BOK: variants seen among roughly 807,000 people sequenced by gnomAD.
BOK encodes bcl-2-related ovarian killer protein.
BOK carries 20 observed loss-of-function variants against 18.3 expected under a neutral mutation model. The ratio of observed to expected loss-of-function variants is 1.09; its 90% confidence interval spans 0.77 to 1.59. BOK has a LOEUF of 1.59. Among genes scored for constraint, BOK ranks in the 40% most tolerant of loss-of-function variants. BOK has a pLI of 0.00. For synonymous variants in BOK, 173 were observed against 142.4 expected, an observed-to-expected ratio of 1.21 and a Z score of -1.53; for missense variants, 348 against 307.9, an observed-to-expected ratio of 1.13 and a Z score of -0.97.
intron 1 of BOK, 107 bp downstream of exon 1, chr2:241,559,100 CGGGCCG>C (rs1345977909): frequency 1.3e-5 from 2 of 157,340 alleles, no homozygotes; most frequent in African/African-American, 4.8e-5. Context: ...TGGGCGGCCC[CGGGCCG>C]GGGCGGGGAG....
At chr2:241,561,127 A>G (rs1331655875) in intron 2 of BOK, among the ~76,000 whole-genome samples, 1 of 151,832 alleles carries the variant, frequency 6.6e-6, no homozygotes, top group East Asian at 2.0e-4. Flanking sequence ...ATCTTAATTA[A>G]TGAGATACAG....
At chr2:241,557,365 G>A (rs1373873019), upstream of BOK, among the ~76,000 whole-genome samples, 1 of 147,110 alleles carries the variant, frequency 6.8e-6, no homozygotes, top group Non-Finnish European at 1.5e-5. Context: ...CTGGAGTGCA[G>A]GTGGGATGAT....
Position 241,569,587 on chromosome 2 carries a change from T to C in BOK, c.350-538T>C, listed in dbSNP as rs370587699. The stretch of plus-strand genomic sequence containing the variant: ...ATAGTTCTTTTTTGAAAGCCTCTCT[T>C]TTCTCGCTCACGTATAAGACGTCTT... On this transcript the variant is annotated intron_variant, in intron 3 of 4. Coordinates refer to ENST00000318407, the MANE Select transcript of BOK (RefSeq NM_032515.5). Among the ~76,000 whole-genome samples, 201 of 152,348 alleles carry C rather than the reference T, an allele frequency of 1.3e-3. 6 individuals carry two copies. In the South Asian group the frequency reaches 0.04, roughly 30 times the overall value.
chr2:241,561,089 C>T (rs911034564), intron 2 of BOK, among the ~76,000 whole-genome samples: 7 of 152,236 alleles, frequency 4.6e-5, no homozygotes, highest in Non-Finnish European at 8.8e-5. Flanking sequence ...CCCCAGCCAG[C>T]CTCTCATGGG....
intron 1 of BOK, among the ~76,000 whole-genome samples, chr2:241,552,916 A>G (rs1201591064): frequency 6.6e-6 from 1 of 152,198 alleles, no homozygotes; most frequent in African/African-American, 2.4e-5. Context: ...GCAGACACAC[A>G]CTACCCAGCA....
chr2:241,559,472 C>T lies in BOK; in HGVS notation c.-12C>T, dbSNP rs2125044390. The T allele has an allele frequency of 4.1e-6, 6 of 1,452,454 alleles. No individual in the cohort carries two copies. The highest frequency in any genetic ancestry group is 5.4e-6 in the Non-Finnish European group (6 of 1,105,884). 90.0% of individuals were successfully genotyped at this position (1,452,454 alleles called of 1,614,324 possible). On this transcript the variant is annotated 5_prime_UTR_variant, in exon 2 of 5. Transcript: ENST00000318407. ...GCCCGCAGGTGCGGCGCCCCCCACC[C>T]GCGTCGCCGCCATGGAGGTGCTGCG...
chr2:241,569,542 G>T (rs1220942024), intron 3 of BOK, among the ~76,000 whole-genome samples: 1 of 152,226 alleles, frequency 6.6e-6, no homozygotes, highest in Admixed American at 6.5e-5. Context: ...TTGTGAATCA[G>T]CTGTTCCAGT....
Position 241,572,390 on chromosome 2 carries a change from G to A in BOK, c.607G>A (p.Ala203Thr), listed in dbSNP as rs754881833. ...ALCSFGRFLK[A>T]AFFVLLPER is the part of the protein sequence containing the mutation. ...CTGCAGCTTCGGCCGCTTCCTGAAG[G>A]CTGCCTTCTTCGTGCTGCTGCCAGA... The change falls in exon 5 of 5, where the codon GCT becomes ACT. Residue 203 changes from alanine to threonine, a missense_variant. Transcript: ENST00000318407. 5.0e-6 allele frequency: 8 copies of A among 1,603,336 alleles called. No homozygotes were observed. The highest frequency in any genetic ancestry group is 6.8e-6 in the Non-Finnish European group (8 of 1,179,040).
chr2:241,557,681 T>C (rs1444225013), upstream of BOK, among the ~76,000 whole-genome samples: 1 of 152,214 alleles, frequency 6.6e-6, no homozygotes, highest in Non-Finnish European at 1.5e-5. Context: ...CTGTACAGCA[T>C]TTGATATGTC....
At chr2:241,557,434 T>G (rs553400798), upstream of BOK, among the ~76,000 whole-genome samples, 1 of 151,590 alleles carries the variant, frequency 6.6e-6, no homozygotes, top group Admixed American at 6.6e-5. Flanking sequence ...CTCAGCCTCC[T>G]TAGTAGCTGG....
At position 241,559,442 on chromosome 2, in the gene BOK, C is replaced by G; in HGVS notation, c.-29-13C>G. The G allele has an allele frequency of 1.4e-6, 2 of 1,390,994 alleles. No homozygotes were observed. The highest frequency in any genetic ancestry group is 1.9e-6 in the Non-Finnish European group (2 of 1,074,282). The allele number at this position is 1,390,994 out of a possible 1,614,324, so 86.2% of individuals were successfully genotyped here. The stretch of plus-strand genomic sequence containing the variant: ...CCGCCTCCCTCCACCCGGCTGAGCG[C>G]TTGTGCCCGCAGGTGCGGCGCCCCC... On this transcript the variant is annotated splice_polypyrimidine_tract_variant and intron_variant, in intron 1 of 4. Transcript: ENST00000318407.
intron 3 of BOK, among the ~76,000 whole-genome samples, chr2:241,563,690 G>C (rs1393974843): frequency 1.3e-5 from 2 of 152,236 alleles, no homozygotes; most frequent in Non-Finnish European, 2.9e-5. Flanking sequence ...GTGGCCTGCT[G>C]TCATCTCTGT....
chr2:241,572,503 C>A lies in BOK; in HGVS notation c.*81C>A. The stretch of plus-strand genomic sequence containing the variant: ...CTCAGCACCCGAACACATCTTCCTC[C>A]TCCCCACCCGAGCCTGGAGCACTCT... On this transcript the variant is annotated 3_prime_UTR_variant, in exon 5 of 5. Coordinates refer to ENST00000318407, the MANE Select transcript of BOK (RefSeq NM_032515.5). 2 of 1,516,612 alleles carry A rather than the reference C, an allele frequency of 1.3e-6. No homozygotes were observed. Among genetic ancestry groups the A allele is most frequent in the East Asian group, 2.4e-5 (1 of 41,732 alleles). 93.9% of individuals were successfully genotyped at this position (1,516,612 alleles called of 1,614,324 possible). A position where few individuals can be genotyped will look rare whatever the true frequency, so the allele number is the denominator to read the frequency against.
Position 241,567,582 on chromosome 2 carries a change from CTGTGCCGGG to C in BOK, c.350-2537_350-2529del, listed in dbSNP as rs1180195548. Among the ~76,000 whole-genome samples, 2 of 134,824 alleles carry C rather than the reference CTGTGCCGGG, an allele frequency of 1.5e-5. 1 individual carries two copies. The highest frequency in any genetic ancestry group is 3.2e-5 in the Non-Finnish European group (2 of 62,940). 88.4% of individuals were successfully genotyped at this position (134,824 alleles called of 152,430 possible). A position where few individuals can be genotyped will look rare whatever the true frequency, so the allele number is the denominator to read the frequency against. On this transcript the variant is annotated intron_variant, in intron 3 of 4. Transcript: ENST00000318407. ...GGAAGTGCAGCGGGTAGAGCAGGGG[CTGTGCCGGG>C]TGTGCGCATCCCACCAATGACAAGG...
chr2:241,571,070 T>C (rs1267245882), intron 4 of BOK, among the ~76,000 whole-genome samples: 1 of 137,106 alleles, frequency 7.3e-6, no homozygotes, highest in Non-Finnish European at 1.6e-5. Flanking sequence ...ACCTGAGCAC[T>C]CCTGGGGGAG....
chr2:241,557,669 C>T (rs1380658008), upstream of BOK, among the ~76,000 whole-genome samples: 1 of 152,156 alleles, frequency 6.6e-6, no homozygotes, highest in Non-Finnish European at 1.5e-5. Context: ...GTTTTAGTTG[C>T]ACTGTACAGC....
intron 2 of BOK, 80 bp downstream of exon 2, chr2:241,559,783 G>A: frequency 7.9e-7 from 1 of 1,258,982 alleles, no homozygotes; most frequent in Non-Finnish European, 1.0e-6. Flanking sequence ...CGAGATGGGG[G>A]TCCGGCCCAG....
At chr2:241,557,715 C>T (rs2066464209), upstream of BOK, among the ~76,000 whole-genome samples, 1 of 152,180 alleles carries the variant, frequency 6.6e-6, no homozygotes, top group African/African-American at 2.4e-5. Context: ...TTCTTGTCAA[C>T]ATATTTTAAT....
Position 241,572,597 on chromosome 2 carries a change from G to C in BOK, c.*175G>C. On this transcript the variant is annotated 3_prime_UTR_variant, in exon 5 of 5. Transcript: ENST00000318407. ...GCCCTCCGGAAGGGGTGAGTGGGGA[G>C]GGGCTTTCCTGAGCCTGGAGCTGGG... is the stretch of plus-strand genomic sequence containing the variant. 1 of 997,008 alleles carries C rather than the reference G, an allele frequency of 1.0e-6. No homozygotes were observed. The highest frequency in any genetic ancestry group is 1.4e-6 in the Non-Finnish European group (1 of 697,328). The allele number at this position is 997,008 out of a possible 1,614,324, so 61.8% of individuals were successfully genotyped here. A position where few individuals can be genotyped will look rare whatever the true frequency, so the allele number is the denominator to read the frequency against.
Sources: gnomAD v4.1 joint callset for allele counts (sites outside exome capture counted in the v4.1 genomes callset) on GRCh38, gnomAD v4.1.1 for gene constraint, MANE v1.5 for transcripts, NCBI Gene and HGNC (gene_info 2026-07-23, HGNC 2026-07-21) for gene names.